LUZP2: variants seen among roughly 807,000 people sequenced by gnomAD.
LUZP2 encodes the protein leucine zipper protein 2.
In LUZP2, 52 loss-of-function variants were observed where a neutral mutation model predicts 51.6. The observed-to-expected ratio is 1.01, with a 90% CI of 0.81 to 1.27. The LOEUF (loss-of-function observed/expected upper bound fraction) is 1.27, where lower values mean the gene tolerates loss of function less well. Among genes scored for constraint, LUZP2 ranks in the 50% most tolerant of loss-of-function variants. The pLI, the probability that LUZP2 is intolerant of heterozygous loss-of-function variation, is 0.00. For synonymous variants in LUZP2, 154 were observed against 137.3 expected (o/e 1.12, Z -0.85); for missense variants, 436 against 395.4 (o/e 1.10, Z -0.87).
At chr11:24,928,418 C>T (rs1233191959) in intron 7 of LUZP2, among the ~76,000 whole-genome samples, 5 of 151,832 alleles carry the variant, frequency 3.3e-5, no homozygotes, top group Non-Finnish European at 7.4e-5. Context: ...GCTGATTTTG[C>T]TTAGGGTTAT....
intron 5 of LUZP2, among the ~76,000 whole-genome samples, chr11:24,871,442 T>C (rs1374999845): frequency 6.6e-6 from 1 of 152,080 alleles, no homozygotes; most frequent in Non-Finnish European, 1.5e-5. Context: ...ATTTACCTGA[T>C]TCCAGAAATC....
chr11:24,652,324 A>G (rs2133964871), intron 1 of LUZP2, among the ~76,000 whole-genome samples: 1 of 152,238 alleles, frequency 6.6e-6, no homozygotes, highest in South Asian at 2.1e-4. Flanking sequence ...GCTATAATTT[A>G]AGAAGATACG....
chr11:24,983,858 C>G (rs1436892332), intron 9 of LUZP2, among the ~76,000 whole-genome samples: 1 of 141,634 alleles, frequency 7.1e-6, no homozygotes, highest in Non-Finnish European at 1.5e-5. Flanking sequence ...AGTAATTTTT[C>G]AAAGTCCCAG....
intron 1 of LUZP2, among the ~76,000 whole-genome samples, chr11:24,554,960 A>G (rs1364929821): frequency 4.6e-5 from 7 of 152,124 alleles, no homozygotes; most frequent in Non-Finnish European, 1.5e-5. Flanking sequence ...AAAAGCTACT[A>G]TGGTGTCTTG....
At chr11:24,859,259 A>T (rs1230287418) in intron 5 of LUZP2, among the ~76,000 whole-genome samples, 2 of 152,182 alleles carry the variant, frequency 1.3e-5, no homozygotes, top group Admixed American at 6.5e-5. Flanking sequence ...GCATAAAATA[A>T]TATTGAAAGA....
intron 10 of LUZP2, among the ~76,000 whole-genome samples, chr11:25,068,174 G>A (rs531483988): frequency 1.4e-4 from 21 of 151,952 alleles, no homozygotes; most frequent in Middle Eastern, 3.4e-3. Context: ...TGGGGGCTGG[G>A]GTCTAGGGAA....
chr11:24,507,890 C>T (rs990654670), intron 1 of LUZP2, among the ~76,000 whole-genome samples: 4 of 151,836 alleles, frequency 2.6e-5, no homozygotes, highest in Non-Finnish European at 4.4e-5. Flanking sequence ...ATAGAATGTG[C>T]AACTATGCCA....
chr11:25,067,391 C>T (rs575007240), intron 10 of LUZP2, among the ~76,000 whole-genome samples: 26 of 152,080 alleles, frequency 1.7e-4, no homozygotes, highest in Admixed American at 8.5e-4. Flanking sequence ...TAATTAGGTC[C>T]CATTTGTCAA....
chr11:24,842,693 A>T (rs1196259473), intron 5 of LUZP2, among the ~76,000 whole-genome samples: 1 of 152,014 alleles, frequency 6.6e-6, no homozygotes, highest in Non-Finnish European at 1.5e-5. Context: ...GGGAAGAAAT[A>T]ATAATAAAAA....
At position 24,987,610 on chromosome 11, in the gene LUZP2, T is replaced by C. The variant is rs117924937; in HGVS notation, c.765+4317T>C. 1.3e-3 allele frequency among the ~76,000 whole-genome samples: 202 copies of C among 152,022 alleles called. 1 individual carries two copies. The highest frequency in any genetic ancestry group is 2.7e-3 in the East Asian group (14 of 5,146). On this transcript the variant is annotated intron_variant, in intron 9 of 11. Coordinates refer to ENST00000336930, the MANE Select transcript of LUZP2 (RefSeq NM_001009909.4). ...ATCTACTTAATTGGAAAAGGATGAT[T>C]TGTTAATTTTTGTTTAAATGTGTTG...
intron 2 of LUZP2, among the ~76,000 whole-genome samples, chr11:24,729,532 T>A (rs781287848): frequency 4.6e-5 from 7 of 151,976 alleles, no homozygotes; most frequent in Admixed American, 1.3e-4. Flanking sequence ...CTCAAGCTTC[T>A]AAGATCAGTT....
intron 9 of LUZP2, among the ~76,000 whole-genome samples, chr11:25,001,689 C>G (rs548929805): frequency 6.6e-6 from 1 of 152,228 alleles, no homozygotes; most frequent in African/African-American, 2.4e-5. Flanking sequence ...CTGCTTATAT[C>G]TCTCTTTCTC....
intron 1 of LUZP2, among the ~76,000 whole-genome samples, chr11:24,547,057 C>G (rs183210814): frequency 6.6e-6 from 1 of 151,696 alleles, no homozygotes; most frequent in African/African-American, 2.4e-5. Context: ...TTCAGGGATT[C>G]TTCAGTTTCT....
At chr11:24,664,814 A>G (rs1856157524) in intron 1 of LUZP2, among the ~76,000 whole-genome samples, 2 of 148,860 alleles carry the variant, frequency 1.3e-5, no homozygotes, top group South Asian at 4.5e-4. Flanking sequence ...CAGAGGATGT[A>G]TGGAAATGCC....
chr11:24,820,032 CTT>C (rs1241266245), intron 5 of LUZP2, among the ~76,000 whole-genome samples: 1 of 152,042 alleles, frequency 6.6e-6, no homozygotes, highest in Non-Finnish European at 1.5e-5. Flanking sequence ...CTAATTCACT[CTT>C]TGACATTTAC....
At chr11:24,930,969 T>C (rs2133833689) in intron 7 of LUZP2, among the ~76,000 whole-genome samples, 1 of 152,222 alleles carries the variant, frequency 6.6e-6, no homozygotes, top group South Asian at 2.1e-4. Context: ...ATCCCAGCAC[T>C]TTGGGAAGCC....
chr11:25,049,301 G>A (rs1379937077), intron 9 of LUZP2, among the ~76,000 whole-genome samples: 3 of 152,152 alleles, frequency 2.0e-5, no homozygotes, highest in African/African-American at 7.2e-5. Context: ...GGATTGAGGA[G>A]CTGAGTGAAA....
At chr11:25,016,464 T>G (rs2133966529) in intron 9 of LUZP2, among the ~76,000 whole-genome samples, 1 of 152,154 alleles carries the variant, frequency 6.6e-6, no homozygotes, top group South Asian at 2.1e-4. Context: ...TTCACCCAAG[T>G]TGCTGCAAAA....
At chr11:25,035,157 T>A (rs188136754) in intron 9 of LUZP2, among the ~76,000 whole-genome samples, 1 of 152,028 alleles carries the variant, frequency 6.6e-6, no homozygotes, top group East Asian at 1.9e-4. Context: ...ACCACTGATA[T>A]GCAACATAGT....
Sources: allele counts gnomAD v4.1 joint callset (sites outside exome capture counted in the v4.1 genomes callset), GRCh38; gene constraint gnomAD v4.1.1; transcripts MANE v1.5; gene names NCBI Gene and HGNC (gene_info 2026-07-23, HGNC 2026-07-21).